The following PPIL6 variants were observed in gnomAD, a reference collection of about 807,000 sequenced individuals.
The protein encoded by PPIL6 is peptidylprolyl isomerase like 6.
PPIL6 carries 39 observed loss-of-function variants against 36.8 expected under a neutral mutation model. The ratio of observed to expected loss-of-function variants is 1.06; its 90% CI spans 0.82 to 1.38. The LOEUF (loss-of-function observed/expected upper bound fraction) is 1.38. PPIL6 is among the 40% of genes most tolerant of loss of function. The pLI is 0.00. For synonymous variants in PPIL6, 123 were observed against 134.1 expected (o/e 0.92, Z 0.57); for missense variants, 368 against 379.1 (o/e 0.97, Z 0.24).
intron 1 of PPIL6, 125 bp downstream of exon 1, chr6:109,440,330 AG>A (rs1374377095): frequency 8.3e-7 from 1 of 1,199,964 alleles, no homozygotes; most frequent in Admixed American, 2.0e-5. Flanking sequence ...AGGACACGCC[AG>A]CCCCTTCCTC....
rs778087899 is a variant in PPIL6 at position 109,431,225 on chromosome 6, T to G, written c.352A>C (p.Ile118Leu). 18 of 1,614,016 alleles carry G rather than the reference T, an allele frequency of 1.1e-5. No homozygotes were observed. Among genetic ancestry groups the G allele is most frequent in the African/African-American group, 2.7e-5 (2 of 74,936 alleles). The change falls in exon 3 of 8, where the codon ATT becomes CTT. Residue 118 changes from isoleucine to leucine, a missense_variant. By Grantham distance (5) the Ile-to-Leu change is conservative (BLOSUM62 2). Coordinates refer to ENST00000521072, the MANE Select transcript of PPIL6 (RefSeq NM_173672.5). ...WAHEVWDIVD[I>L]KPSALYDALT... ...GCGTCATAAAGTGCAGAGGGTTTAA[T>G]GTCAACTATATCCCACACCTCGTGG... is the stretch of plus-strand genomic sequence containing the variant.
rs921265764 is a variant in PPIL6 at position 109,426,899 on chromosome 6, G to T, written c.579C>A (p.Tyr193Ter). ...GFSQRGIRLH[Y>*]KNSIFHRIVQ... ...CTATTCGATGAAAAATGGAATTTTT[G>T]TAATGTAGTCTTATGCCACGTTGAG... Residue 193 changes from tyrosine to a stop codon, truncating the protein, a stop_gained, in exon 5 of 8, where the codon TAC becomes TAA. Coordinates refer to ENST00000521072, the MANE Select transcript of PPIL6 (RefSeq NM_173672.5). LOFTEE classifies it high-confidence loss of function. The T allele has an allele frequency of 1.2e-6, 2 of 1,603,454 alleles. No homozygotes were observed. The highest frequency in any genetic ancestry group is 1.7e-6 in the Non-Finnish European group (2 of 1,172,128).
intron 5 of PPIL6, among the ~76,000 whole-genome samples, chr6:109,423,715 G>A (rs1432314640): frequency 1.3e-5 from 2 of 152,008 alleles, no homozygotes; most frequent in Non-Finnish European, 2.9e-5. Flanking sequence ...TTAACAAAGT[G>A]TTGGTATCAA....
chr6:109,423,392 C>T (rs1380448557), intron 5 of PPIL6, among the ~76,000 whole-genome samples: 2 of 151,662 alleles, frequency 1.3e-5, no homozygotes, highest in Admixed American at 6.6e-5. Context: ...TATATGAGTT[C>T]AATAGGTACT....
intron 1 of PPIL6, among the ~76,000 whole-genome samples, chr6:109,437,203 G>A (rs894369211): frequency 6.6e-6 from 1 of 152,206 alleles, no homozygotes; most frequent in Non-Finnish European, 1.5e-5. Flanking sequence ...GAACACAGGT[G>A]AAGCAGTAAC....
intron 7 of PPIL6, among the ~76,000 whole-genome samples, chr6:109,396,729 T>C (rs1175037259): frequency 6.6e-6 from 1 of 151,910 alleles, no homozygotes. Context: ...ATGGAGAGCT[T>C]ACAGGCTTGT....
At chr6:109,415,576 G>T (rs926237750) in intron 6 of PPIL6, among the ~76,000 whole-genome samples, 3 of 152,130 alleles carry the variant, frequency 2.0e-5, no homozygotes, top group Admixed American at 6.5e-5. Flanking sequence ...GATGGGCTCT[G>T]TCATAAATCC....
intron 5 of PPIL6, among the ~76,000 whole-genome samples, chr6:109,426,293 T>C (rs1773810012): frequency 6.6e-6 from 1 of 152,222 alleles, no homozygotes; most frequent in African/African-American, 2.4e-5. Flanking sequence ...TTGCTTCCTA[T>C]GGACTATCCC....
intron 3 of PPIL6, among the ~76,000 whole-genome samples, chr6:109,429,067 T>A (rs2115271768): frequency 6.6e-6 from 1 of 152,358 alleles, no homozygotes; most frequent in Non-Finnish European, 1.5e-5. Flanking sequence ...AGCATATTTA[T>A]CTACCATATG....
chr6:109,424,999 C>T (rs1272236483), intron 5 of PPIL6, among the ~76,000 whole-genome samples: 2 of 152,178 alleles, frequency 1.3e-5, no homozygotes, highest in South Asian at 2.1e-4. Flanking sequence ...TCAACAAACT[C>T]GCCCTGAATT....
At chr6:109,421,004 C>T (rs1773514326) in intron 5 of PPIL6, among the ~76,000 whole-genome samples, 1 of 152,216 alleles carries the variant, frequency 6.6e-6, no homozygotes, top group Non-Finnish European at 1.5e-5. Flanking sequence ...AAGGCTGAAT[C>T]TGGAAATGGG....
chr6:109,392,724 C>A lies in PPIL6; in HGVS notation c.*102G>T. 5.7e-6 allele frequency: 4 copies of A among 705,478 alleles called. No homozygotes were observed. Among genetic ancestry groups the A allele is most frequent in the South Asian group, 4.0e-5 (2 of 50,130 alleles). 43.7% of individuals were successfully genotyped at this position (705,478 alleles called of 1,614,324 possible). A position where few individuals can be genotyped will look rare whatever the true frequency, so the allele number is the denominator to read the frequency against. On this transcript the variant is annotated 3_prime_UTR_variant, in exon 8 of 8. Transcript: ENST00000521072. The stretch of plus-strand genomic sequence containing the variant: ...ATGAGGCAACCTACAGTGTCTGCCA[C>A]GGCTTTCAAATTACAATTTATCAAG...
intron 7 of PPIL6, among the ~76,000 whole-genome samples, chr6:109,399,233 G>A (rs1403941113): frequency 2.0e-5 from 3 of 151,624 alleles, no homozygotes; most frequent in South Asian, 2.1e-4. Context: ...TCAGCCTCCC[G>A]AGTAGCCGGG....
At chr6:109,421,161 A>G (rs1175801307) in intron 5 of PPIL6, among the ~76,000 whole-genome samples, 3 of 152,054 alleles carry the variant, frequency 2.0e-5, no homozygotes, top group Non-Finnish European at 4.4e-5. Flanking sequence ...ACCCACCAAC[A>G]TTACTCTTGT....
At chr6:109,396,383 G>A (rs989427959) in intron 7 of PPIL6, among the ~76,000 whole-genome samples, 6 of 152,042 alleles carry the variant, frequency 3.9e-5, no homozygotes, top group Admixed American at 6.6e-5. Flanking sequence ...CATGGCACCC[G>A]CAGTCCATTG....
At chr6:109,417,919 C>T (rs116024645) in intron 6 of PPIL6, among the ~76,000 whole-genome samples, 1,782 of 152,260 alleles carry the variant, frequency 0.012, 38 homozygotes, top group African/African-American at 0.041. Context: ...CCTGAATATG[C>T]ACATCGTTTC....
intron 6 of PPIL6, among the ~76,000 whole-genome samples, chr6:109,401,235 G>T (rs1185326223): frequency 6.6e-6 from 1 of 152,042 alleles, no homozygotes; most frequent in Non-Finnish European, 1.5e-5. Context: ...TTTGTGGAAA[G>T]CAATAGCTTT....
Position 109,415,461 on chromosome 6 carries a change from G to A in PPIL6, c.688+3726C>T, listed in dbSNP as rs1050014048. 2.7e-4 allele frequency among the ~76,000 whole-genome samples: 41 copies of A among 152,104 alleles called. 1 individual carries two copies. Among genetic ancestry groups the A allele is most frequent in the Admixed American group, 2.5e-3 (38 of 15,262 alleles). On this transcript the variant is annotated intron_variant, in intron 6 of 7. Transcript: ENST00000521072. ...TATCAACTCATCTTTGAATGCCTCT[G>A]CTGTGGTATATATTAGGCCTTGAAT... is the stretch of plus-strand genomic sequence containing the variant.
Position 109,431,261 on chromosome 6 carries a change from G to C in PPIL6, c.316C>G (p.Gln106Glu), listed in dbSNP as rs1482039404. The stretch of plus-strand genomic sequence containing the variant: ...TCCCACACCTCGTGGGCCCATTTCT[G>C]CAGATCCAATGCATCACCCAGAAAC... Reference protein sequence around the residue: ...GQFLGDALDLQKWAHEVWDIV... With the variant: ...GQFLGDALDLEKWAHEVWDIV... The change falls in exon 3 of 8, where the codon CAG becomes GAG. Residue 106 changes from glutamine to glutamate, a missense_variant. Coordinates refer to ENST00000521072, the MANE Select transcript of PPIL6 (RefSeq NM_173672.5). 6.2e-7 allele frequency: 1 copy of C among 1,612,586 alleles called. No homozygotes were observed. Among genetic ancestry groups the C allele is most frequent in the East Asian group, 2.2e-5 (1 of 44,834 alleles).
Sources: gnomAD v4.1 joint callset for allele counts (sites outside exome capture counted in the v4.1 genomes callset) on GRCh38, gnomAD v4.1.1 for gene constraint, MANE v1.5 for transcripts, NCBI Gene and HGNC (gene_info 2026-07-23, HGNC 2026-07-21) for gene names.